The following RGPD3 variants were observed in gnomAD, a reference collection of about 807,000 sequenced individuals.
RGPD3 encodes ranBP2-like and GRIP domain-containing protein 3.
A neutral mutation model predicts 154.5 loss-of-function variants in RGPD3; 62 were observed. That is an observed-to-expected ratio of 0.40 (90% confidence interval 0.33 to 0.50). RGPD3 has a LOEUF of 0.50. RGPD3 is among the 20% of genes least tolerant of loss of function. RGPD3 has a pLI of 0.59. For synonymous variants in RGPD3, 308 were observed against 607.0 expected (o/e 0.51, Z 7.24); for missense variants, 919 against 1,716.8 (o/e 0.54, Z 8.21).
Position 106,446,452 on chromosome 2 carries a change from C to G in RGPD3, c.978+966G>C, listed in dbSNP as rs1208781860. ...AGGTGTGGTGGCGGGTGCCTGTAGT[C>G]CCAGCTACTCAGGAGGCTGAGGCAG... On this transcript the variant is annotated intron_variant, in intron 7 of 22. Coordinates refer to ENST00000409886, the MANE Select transcript of RGPD3 (RefSeq NM_001144013.2). Among the ~76,000 whole-genome samples the G allele has an allele frequency of 2.7e-5, 4 of 149,432 alleles. No individual in the cohort carries two copies. The East Asian group carries it at 8.2e-4, about 31-fold the overall frequency.
In RGPD3 at chr2:106,418,155, T is replaced by TA. The variant is rs1676870623; in HGVS notation, c.4925-2167dup. Among the ~76,000 whole-genome samples the TA allele has an allele frequency of 3.5e-5, 5 of 144,600 alleles. 1 individual carries two copies. Among genetic ancestry groups the TA allele is most frequent in the Admixed American group, 2.1e-4 (3 of 14,244 alleles). The allele number at this position is 144,600 out of a possible 152,430, so 94.9% of individuals were successfully genotyped here. On this transcript the variant is annotated intron_variant, in intron 20 of 22. Coordinates refer to ENST00000409886, the MANE Select transcript of RGPD3 (RefSeq NM_001144013.2). Reference sequence around the variant, plus strand: ...ACAAAAAAACAAACAAAAAAAAACTTAGTCATCAAACTTTTAACTACGTTA... The same window carrying TA: ...ACAAAAAAACAAACAAAAAAAAACTTAAGTCATCAAACTTTTAACTACGTTA...
chr2:106,454,721 T>C (rs1356547030), intron 4 of RGPD3, among the ~76,000 whole-genome samples: 3 of 152,120 alleles, frequency 2.0e-5, no homozygotes, highest in East Asian at 3.9e-4. Flanking sequence ...ATTACATATG[T>C]TCTTTAACAC....
intron 22 of RGPD3, among the ~76,000 whole-genome samples, chr2:106,409,235 G>A (rs2104440999): frequency 1.3e-5 from 2 of 152,226 alleles, no homozygotes; most frequent in South Asian, 4.2e-4. Flanking sequence ...CATGTATGCA[G>A]TGTTGGTTAT....
rs1414939508 is a variant in RGPD3, at chr2:106,459,342, A to G, written c.73-10T>C. 2 of 1,544,868 alleles carry G rather than the reference A, an allele frequency of 1.3e-6. No individual in the cohort carries two copies. The highest frequency in any genetic ancestry group is 1.7e-6 in the Non-Finnish European group (2 of 1,146,364). On this transcript the variant is annotated splice_polypyrimidine_tract_variant and intron_variant, in intron 1 of 22. Coordinates refer to ENST00000409886, the MANE Select transcript of RGPD3 (RefSeq NM_001144013.2). Reference sequence around the variant, plus strand: ...ATCCTCTCGTTGACTTCTAAAAAAAATTAAAAGTTGTTTTACGTTTCATAC... The same window carrying G: ...ATCCTCTCGTTGACTTCTAAAAAAAGTTAAAAGTTGTTTTACGTTTCATAC...
rs2104435808 is a variant in RGPD3 at position 106,404,326 on chromosome 2, G to C, written c.*893C>G. ...ACCATGAAATCACCTCAACTCAAGT[G>C]GTGGGCCCACCTATTCATAGTCAGT... On this transcript the variant is annotated 3_prime_UTR_variant, in exon 23 of 23. Coordinates refer to ENST00000409886, the MANE Select transcript of RGPD3 (RefSeq NM_001144013.2). 6.7e-6 allele frequency among the ~76,000 whole-genome samples: 1 copy of C among 148,992 alleles called. No homozygotes were observed. The highest frequency in any genetic ancestry group is 2.1e-4 in the South Asian group (1 of 4,764).
intron 1 of RGPD3, among the ~76,000 whole-genome samples, chr2:106,467,076 G>A (rs1573310164): frequency 8.3e-6 from 1 of 119,902 alleles, no homozygotes. Flanking sequence ...CATGACGCCT[G>A]AGCCATCGAG....
intron 20 of RGPD3, among the ~76,000 whole-genome samples, chr2:106,418,289 G>T (rs1052960585): frequency 1.3e-5 from 2 of 148,150 alleles, no homozygotes; most frequent in South Asian, 2.2e-4. Flanking sequence ...AGAGTAGAGG[G>T]CCAAACTACT....
rs575657593 is a variant in RGPD3, at chr2:106,411,869, T to G, written c.5266+1215A>C. On this transcript the variant is annotated intron_variant, in intron 22 of 22. Coordinates refer to ENST00000409886, the MANE Select transcript of RGPD3 (RefSeq NM_001144013.2). ...TAAAGCTTAAGGAACATCAACCAAATGCAATATATGAGCTCTATTTAGGAT... is the reference window on the plus strand; with the variant it reads ...TAAAGCTTAAGGAACATCAACCAAAGGCAATATATGAGCTCTATTTAGGAT... Among the ~76,000 whole-genome samples, 26 of 152,120 alleles carry G rather than the reference T, an allele frequency of 1.7e-4. No homozygotes were observed. The South Asian group carries it at 4.4e-3, about 26-fold the overall frequency.
intron 22 of RGPD3, among the ~76,000 whole-genome samples, chr2:106,405,457 C>T (rs1298288619): frequency 3.4e-5 from 5 of 147,944 alleles, no homozygotes; most frequent in Non-Finnish European, 5.9e-5. Flanking sequence ...TTCAGTGCAG[C>T]CTTGATCTCC....
At chr2:106,440,163 TC>T (rs1367980031) in intron 8 of RGPD3, among the ~76,000 whole-genome samples, 1 of 103,584 alleles carries the variant, frequency 9.7e-6, no homozygotes, top group African/African-American at 3.8e-5. Context: ...GGTAAGGAAT[TC>T]CTCATGGAGT....
chr2:106,441,328 A>G lies in RGPD3; in HGVS notation c.1031T>C (p.Leu344Pro), dbSNP rs1677736142. Reference sequence around the variant, plus strand: ...CAGTCGGTCACAGGCCATCATTTCCAGCAGATTTTGTCCAGCTTCACCTTT... The same window carrying G: ...CAGTCGGTCACAGGCCATCATTTCCGGCAGATTTTGTCCAGCTTCACCTTT... ...LIKGEAGQNL[L>P]EMMACDRLSQ... is the part of the protein sequence containing the mutation. The change falls in exon 8 of 23, where the codon CTG becomes CCG. Residue 344 changes from leucine (L) to proline (P), a missense_variant. By Grantham distance (98) the Leu-to-Pro change is moderately conservative (BLOSUM62 -3). Coordinates refer to ENST00000409886, the MANE Select transcript of RGPD3 (RefSeq NM_001144013.2). The G allele has an allele frequency of 6.4e-7, 1 of 1,569,410 alleles. No homozygotes were observed. Among genetic ancestry groups the G allele is most frequent in the South Asian group, 1.2e-5 (1 of 85,860 alleles).
intron 1 of RGPD3, among the ~76,000 whole-genome samples, chr2:106,466,057 C>G (rs1336244899): frequency 1.3e-5 from 2 of 151,902 alleles, no homozygotes; most frequent in African/African-American, 4.8e-5. Flanking sequence ...AGAAACCCGC[C>G]GATACAGCAC....
chr2:106,467,901 G>C (rs1166880596), intron 1 of RGPD3, among the ~76,000 whole-genome samples: 90 of 92,376 alleles, frequency 9.7e-4, no homozygotes, highest in South Asian at 4.8e-3. Flanking sequence ...GTCGAGGCCG[G>C]CGCCTCAACA....
intron 1 of RGPD3, among the ~76,000 whole-genome samples, chr2:106,461,524 A>G (rs1244322852): frequency 6.6e-6 from 1 of 152,082 alleles, no homozygotes; most frequent in Admixed American, 6.6e-5. Flanking sequence ...TTTGCAATTT[A>G]AAACTCATGA....
upstream of RGPD3, among the ~76,000 whole-genome samples, chr2:106,468,928 G>A (rs2104534345): frequency 7.0e-6 from 1 of 143,002 alleles, no homozygotes; most frequent in Non-Finnish European, 1.5e-5. Context: ...GTATTTAGTG[G>A]TATTTCCCCT....
At chr2:106,464,037 A>G (rs1386538390) in intron 1 of RGPD3, among the ~76,000 whole-genome samples, 1 of 152,196 alleles carries the variant, frequency 6.6e-6, no homozygotes, top group African/African-American at 2.4e-5. Flanking sequence ...GAGGAGCATA[A>G]TAGCCAGTAC....
rs189743569 is a variant in RGPD3, at chr2:106,417,700, G to A, written c.4925-1711C>T. ...TAGATTTTTTTTAAAGGTTAAGTAT[G>A]AGATTGTTCAAAATCTATTGATTCG... On this transcript the variant is annotated intron_variant, in intron 20 of 22. Transcript: ENST00000409886. Among the ~76,000 whole-genome samples the A allele has an allele frequency of 7.7e-4, 116 of 151,118 alleles. 5 individuals are homozygous for A. The highest frequency in any genetic ancestry group is 2.6e-3 in the African/African-American group (104 of 40,520).
chr2:106,445,263 T>G (rs1445703932), intron 7 of RGPD3, among the ~76,000 whole-genome samples: 1 of 148,788 alleles, frequency 6.7e-6, no homozygotes, highest in Non-Finnish European at 1.5e-5. Context: ...TGCTCCAGCC[T>G]GGGCGACAGA....
intron 1 of RGPD3, 73 bp downstream of exon 1, chr2:106,468,144 G>A: frequency 6.6e-7 from 1 of 1,524,316 alleles, no homozygotes; most frequent in Non-Finnish European, 8.8e-7. Flanking sequence ...GAGCCATCGA[G>A]GCCGCCGCCG....
Sources: gnomAD v4.1 joint callset for allele counts (sites outside exome capture counted in the v4.1 genomes callset) on GRCh38, gnomAD v4.1.1 for gene constraint, MANE v1.5 for transcripts, NCBI Gene and HGNC (gene_info 2026-07-23, HGNC 2026-07-21) for gene names.